The following TRPS1 variants were observed in gnomAD, a reference collection of about 807,000 sequenced individuals.
TRPS1 encodes the protein transcriptional repressor GATA binding 1.
A neutral mutation model predicts 101.2 loss-of-function variants in TRPS1; 6 were observed. That is an observed-to-expected ratio of 0.06 (90% CI 0.03 to 0.12). The LOEUF is 0.12. Among genes scored for constraint, TRPS1 ranks in the 10% least tolerant of loss-of-function variants. The pLI, the probability that TRPS1 is intolerant of heterozygous loss-of-function variation, is 1.00. For synonymous variants in TRPS1, 578 were observed against 589.8 expected (o/e 0.98, Z 0.29); for missense variants, 1,363 against 1,567.0 (o/e 0.87, Z 2.20).
rs1817596156 is a variant in TRPS1, at chr8:115,587,602, C to T, written c.2099G>A (p.Arg700Lys). 3 of 1,614,040 alleles carry T rather than the reference C, an allele frequency of 1.9e-6. No individual in the cohort carries two copies. Among genetic ancestry groups the T allele is most frequent in the East Asian group, 4.5e-5 (2 of 44,870 alleles). ...ACGGCATTTGTAGCAGCTGTGTGCT[C>T]TCCTGGAGAAGAAGAAAACAGTTAC... ...VEEEISRHYRRAHSCYKCRQC... is the reference protein window; with the variant it reads ...VEEEISRHYRKAHSCYKCRQC... The change falls in exon 5 of 7, where the codon AGA becomes AAA. Residue 700 changes from arginine to lysine, a missense_variant and splice_region_variant. Arg to Lys is a conservative substitution (Grantham distance 26). Around this residue, in one of 5 missense-constraint regions of TRPS1, gnomAD observed 1,020 missense variants for 1,073.0 expected, o/e 0.95. Coordinates refer to ENST00000395715, the MANE Select transcript of TRPS1 (RefSeq NM_014112.5).
chr8:115,588,846 T>C (rs1563625906), intron 4 of TRPS1, among the ~76,000 whole-genome samples: 1 of 152,236 alleles, frequency 6.6e-6, no homozygotes, highest in Admixed American at 6.5e-5. Context: ...AATATTTCCT[T>C]GCCAGGCACT....
At chr8:115,634,550 A>T (rs1307697220) in intron 1 of TRPS1, among the ~76,000 whole-genome samples, 1 of 152,174 alleles carries the variant, frequency 6.6e-6, no homozygotes, top group Non-Finnish European at 1.5e-5. Flanking sequence ...TCAAAAGCAA[A>T]TTACTACAGA....
At chr8:115,509,369 A>T (rs1815525175) in intron 5 of TRPS1, among the ~76,000 whole-genome samples, 1 of 152,062 alleles carries the variant, frequency 6.6e-6, no homozygotes, top group African/African-American at 2.4e-5. Context: ...GAGACAGATA[A>T]AAAATAAATA....
intron 4 of TRPS1, among the ~76,000 whole-genome samples, chr8:115,596,543 G>GT (rs1563631211): frequency 1.3e-5 from 2 of 151,800 alleles, no homozygotes; most frequent in African/African-American, 2.4e-5. Flanking sequence ...AGATCTATGC[G>GT]TGTGTAGAGA....
rs758543450 is a variant in TRPS1, at chr8:115,603,996, T to C, written c.1973A>G (p.Lys658Arg). ...TCCTTGCAGGTGATTTGCTTCTTGT[T>C]TGACATCCGATGCTTGGGACTCATG... ...SVHESQASDV[K>R]QEANHLQGSD... is the part of the protein sequence containing the mutation. Residue 658 changes from lysine to arginine, a missense_variant, in exon 4 of 7, where the codon AAA becomes AGA. Around this residue, in one of 5 missense-constraint regions of TRPS1, gnomAD observed 1,020 missense variants for 1,073.0 expected, o/e 0.95. Transcript: ENST00000395715. 6.2e-7 allele frequency: 1 copy of C among 1,614,016 alleles called. No homozygotes were observed. Among genetic ancestry groups the C allele is most frequent in the African/African-American group, 1.3e-5 (1 of 75,022 alleles).
intron 1 of TRPS1, among the ~76,000 whole-genome samples, chr8:115,635,847 G>A (rs935342754): frequency 2.0e-5 from 3 of 152,090 alleles, no homozygotes; most frequent in African/African-American, 7.2e-5. Flanking sequence ...GGAAATAAAA[G>A]ATTAACACAT....
chr8:115,482,085 T>C (rs1274358726), intron 5 of TRPS1, among the ~76,000 whole-genome samples: 2 of 152,140 alleles, frequency 1.3e-5, no homozygotes, highest in Non-Finnish European at 2.9e-5. Context: ...CCAGATTGAG[T>C]ATAAACTGGG....
chr8:115,485,873 A>G (rs16887481), intron 5 of TRPS1, among the ~76,000 whole-genome samples: 3,896 of 152,334 alleles, frequency 0.026, 161 homozygotes, highest in African/African-American at 0.087. Flanking sequence ...TAGGCAATAA[A>G]TCAGGAGAGA....
intron 5 of TRPS1, among the ~76,000 whole-genome samples, chr8:115,467,644 G>A (rs6988357): frequency 0.036 from 5,426 of 152,178 alleles, 363 homozygotes; most frequent in African/African-American, 0.12. Context: ...ACAGACATAA[G>A]GGGAATAACA....
At chr8:115,651,617 G>C (rs1165886430) in intron 1 of TRPS1, among the ~76,000 whole-genome samples, 1 of 152,256 alleles carries the variant, frequency 6.6e-6, no homozygotes, top group African/African-American at 2.4e-5. Context: ...CATGATGCCC[G>C]GTAGCTTCTG....
chr8:115,455,240 T>C (rs1586290166), intron 5 of TRPS1, among the ~76,000 whole-genome samples: 4 of 152,294 alleles, frequency 2.6e-5, no homozygotes, highest in African/African-American at 9.6e-5. Flanking sequence ...TGCAACATGG[T>C]TTAATTTCAC....
chr8:115,424,879 T>C (rs1287124495), intron 5 of TRPS1, among the ~76,000 whole-genome samples: 1 of 152,244 alleles, frequency 6.6e-6, no homozygotes, highest in East Asian at 1.9e-4. Context: ...TGATATTCCA[T>C]AATTCAATAA....
chr8:115,441,033 C>A (rs769833589), intron 5 of TRPS1, among the ~76,000 whole-genome samples: 3 of 152,130 alleles, frequency 2.0e-5, no homozygotes, highest in Non-Finnish European at 2.9e-5. Flanking sequence ...TGAACAACAT[C>A]TGGTAACAAT....
At chr8:115,454,310 G>A (rs1813960874) in intron 5 of TRPS1, among the ~76,000 whole-genome samples, 1 of 152,150 alleles carries the variant, frequency 6.6e-6, no homozygotes, top group South Asian at 2.1e-4. Flanking sequence ...GTAATGTTTT[G>A]AATTATCCTA....
At chr8:115,620,344 A>G (rs1026788275) in intron 2 of TRPS1, among the ~76,000 whole-genome samples, 1 of 152,044 alleles carries the variant, frequency 6.6e-6, no homozygotes, top group African/African-American at 2.4e-5. Flanking sequence ...TACCCTCCCT[A>G]TTACTTATTC....
chr8:115,535,144 A>ATAGAGCATATG (rs1563582540), intron 5 of TRPS1, among the ~76,000 whole-genome samples: 3 of 27,694 alleles, frequency 1.1e-4, no homozygotes, highest in African/African-American at 2.0e-4. Context: ...TATAGCATAT[A>ATAGAGCATATG]TATAGCATAT....
intron 5 of TRPS1, among the ~76,000 whole-genome samples, chr8:115,583,977 T>C (rs1343404998): frequency 6.6e-6 from 1 of 152,042 alleles, no homozygotes; most frequent in Non-Finnish European, 1.5e-5. Flanking sequence ...GTGATTCTTA[T>C]ATTTCCTTCC....
chr8:115,417,512 T>C (rs1353729468), intron 6 of TRPS1, among the ~76,000 whole-genome samples: 1 of 152,062 alleles, frequency 6.6e-6, no homozygotes, highest in East Asian at 1.9e-4. Flanking sequence ...AAATGGGGGA[T>C]GCCTATTTTA....
chr8:115,636,713 A>G (rs1818774834), intron 1 of TRPS1, among the ~76,000 whole-genome samples: 3 of 152,050 alleles, frequency 2.0e-5, no homozygotes, highest in Non-Finnish European at 2.9e-5. Flanking sequence ...CAGGAGTTCA[A>G]GACCAGCCTG....
Sources: allele counts gnomAD v4.1 joint callset (sites outside exome capture counted in the v4.1 genomes callset), GRCh38; gene constraint gnomAD v4.1.1; regional missense constraint gnomAD v4.1.1; transcripts MANE v1.5; gene names NCBI Gene and HGNC (gene_info 2026-07-23, HGNC 2026-07-21).